The following NUTF2 variants were observed in gnomAD, a reference collection of about 807,000 sequenced individuals.
NUTF2 encodes the protein nuclear transport factor 2.
A neutral mutation model predicts 18.5 loss-of-function variants in NUTF2; 3 were observed. The ratio of observed to expected loss-of-function variants is 0.16; its 90% CI spans 0.07 to 0.42. The LOEUF (loss-of-function observed/expected upper bound fraction) is 0.42, where lower values mean the gene tolerates loss of function less well. NUTF2 is among the 10% of genes least tolerant of loss of function. The probability of loss-of-function intolerance (pLI) is 0.99; values close to 1 mark genes in which losing one functional copy is unlikely to be tolerated. For missense variants in NUTF2, 44 were observed against 160.7 expected (o/e 0.27, Z 3.93); for synonymous variants, 51 against 57.9 (o/e 0.88, Z 0.54).
At chr16:67,847,314 C>T (rs923627032) in intron 1 of NUTF2, 1 of 152,404 alleles carries the variant, frequency 6.6e-6, no homozygotes, top group East Asian at 1.9e-4. Context: ...GGCCCCGCCC[C>T]GTCTAGCCTG....
At chr16:67,854,787 G>T (rs1055595201) in intron 1 of NUTF2, among the ~76,000 whole-genome samples, 4 of 152,100 alleles carry the variant, frequency 2.6e-5, no homozygotes, top group Admixed American at 6.5e-5. Flanking sequence ...TCTCTACCAA[G>T]ATTCCAAAAA....
At chr16:67,852,610 A>G (rs1296197496) in intron 1 of NUTF2, among the ~76,000 whole-genome samples, 2 of 151,974 alleles carry the variant, frequency 1.3e-5, no homozygotes, top group African/African-American at 2.4e-5. Flanking sequence ...CGCCCACCTC[A>G]GCTTCCCAAA....
intron 2 of NUTF2, among the ~76,000 whole-genome samples, chr16:67,867,695 CTTTT>C (rs960447470): frequency 6.6e-6 from 1 of 151,344 alleles, no homozygotes; most frequent in East Asian, 1.9e-4. Context: ...TTTCTGATGA[CTTTT>C]TTTTTGAGAT....
rs1384473780 is a variant in NUTF2 at position 67,857,925 on chromosome 16, C to G, written c.-29-7177C>G. Among the ~76,000 whole-genome samples, 6 of 152,360 alleles carry G rather than the reference C, an allele frequency of 3.9e-5. No homozygotes were observed. In the East Asian group the frequency reaches 7.7e-4, roughly 20 times the overall value. On this transcript the variant is annotated intron_variant, in intron 1 of 4. Transcript: ENST00000219169. Reference sequence around the variant, plus strand: ...CCACTTGAGTGGAGTTTGCCCAGAACTTACTCCTCCTCCAGAGAAGAAGGG... The same window carrying G: ...CCACTTGAGTGGAGTTTGCCCAGAAGTTACTCCTCCTCCAGAGAAGAAGGG...
chr16:67,859,495 A>G (rs1245715661), intron 1 of NUTF2, among the ~76,000 whole-genome samples: 1 of 151,228 alleles, frequency 6.6e-6, no homozygotes, highest in East Asian at 2.0e-4. Flanking sequence ...GATTACAGGG[A>G]AAAATTAGCT....
At chr16:67,848,774 GCAGCAGCT>G (rs956066617) in intron 1 of NUTF2, among the ~76,000 whole-genome samples, 55 of 151,468 alleles carry the variant, frequency 3.6e-4, no homozygotes, top group Admixed American at 5.9e-4. Context: ...AAAAAAAGCA[GCAGCAGCT>G]CAATCTCTGC....
At chr16:67,853,328 A>T (rs762545676) in intron 1 of NUTF2, among the ~76,000 whole-genome samples, 2 of 152,024 alleles carry the variant, frequency 1.3e-5, no homozygotes, top group Non-Finnish European at 2.9e-5. Context: ...AGTAGCTGGG[A>T]CTACAGGTGC....
intron 2 of NUTF2, 111 bp downstream of exon 2, chr16:67,865,340 C>A: frequency 1.4e-6 from 1 of 704,186 alleles, no homozygotes; most frequent in East Asian, 2.7e-5. Flanking sequence ...GGCTACACCT[C>A]TGTATCTGAA....
rs572931294 is a variant in NUTF2 at position 67,864,509 on chromosome 16, CAAAAAA to C, written c.-29-574_-29-569del. Among the ~76,000 whole-genome samples, 82 of 53,078 alleles carry C rather than the reference CAAAAAA, an allele frequency of 1.5e-3. 1 individual carries two copies. Among genetic ancestry groups the C allele is most frequent in the African/African-American group, 3.9e-3 (75 of 19,214 alleles). The allele number at this position is 53,078 out of a possible 152,430, so 34.8% of individuals were successfully genotyped here. On this transcript the variant is annotated intron_variant, in intron 1 of 4. Coordinates refer to ENST00000219169, the MANE Select transcript of NUTF2 (RefSeq NM_005796.3). The stretch of plus-strand genomic sequence containing the variant: ...GGGCAACAAGAGTGAAACTCTGTCT[CAAAAAA>C]AAAAAAAAAAAAAAAAAAGAAGAGG...
chr16:67,863,114 G>A (rs2057945491), intron 1 of NUTF2, among the ~76,000 whole-genome samples: 1 of 152,198 alleles, frequency 6.6e-6, no homozygotes, highest in African/African-American at 2.4e-5. Context: ...CTAAGTTTGT[G>A]TGTGAGTACA....
intron 2 of NUTF2, among the ~76,000 whole-genome samples, chr16:67,865,747 T>A (rs1408951457): frequency 7.1e-6 from 1 of 141,700 alleles, no homozygotes; most frequent in Non-Finnish European, 1.5e-5. Context: ...TGAGATGGAG[T>A]CTTGCTCTTT....
At chr16:67,858,874 CTT>C (rs1207363589) in intron 1 of NUTF2, among the ~76,000 whole-genome samples, 26 of 140,158 alleles carry the variant, frequency 1.9e-4, no homozygotes, top group South Asian at 4.5e-4. Flanking sequence ...CTTCAGGACA[CTT>C]TTTTTTTTTT....
chr16:67,864,337 C>G (rs1403150063), intron 1 of NUTF2, among the ~76,000 whole-genome samples: 1 of 152,006 alleles, frequency 6.6e-6, no homozygotes, highest in Non-Finnish European at 1.5e-5. Context: ...ATGGTGAAAT[C>G]CCATTTCTAC....
chr16:67,863,922 G>C (rs2057951270), intron 1 of NUTF2, among the ~76,000 whole-genome samples: 1 of 152,174 alleles, frequency 6.6e-6, no homozygotes, highest in Non-Finnish European at 1.5e-5. Flanking sequence ...GTCTCTAGTT[G>C]GGAGGGGGCC....
At chr16:67,848,914 A>G (rs2057830633) in intron 1 of NUTF2, among the ~76,000 whole-genome samples, 2 of 152,078 alleles carry the variant, frequency 1.3e-5, no homozygotes, top group Non-Finnish European at 2.9e-5. Context: ...TTTCCCAGGT[A>G]ATGTTTTTCT....
At chr16:67,867,711 G>T (rs914089580) in intron 2 of NUTF2, among the ~76,000 whole-genome samples, 3 of 152,020 alleles carry the variant, frequency 2.0e-5, no homozygotes, top group African/African-American at 7.2e-5. Flanking sequence ...TTTTGAGATG[G>T]AGTCTTGCTC....
chr16:67,854,113 G>T (rs1413501188), intron 1 of NUTF2, among the ~76,000 whole-genome samples: 1 of 152,220 alleles, frequency 6.6e-6, no homozygotes, highest in Non-Finnish European at 1.5e-5. Context: ...ACCACGCCCA[G>T]CTAAATTTTG....
At chr16:67,866,925 T>C (rs1486803212) in intron 2 of NUTF2, among the ~76,000 whole-genome samples, 17 of 150,692 alleles carry the variant, frequency 1.1e-4, no homozygotes. Flanking sequence ...TTTGAAACCT[T>C]GAAGTGATCT....
intron 1 of NUTF2, among the ~76,000 whole-genome samples, chr16:67,860,014 G>A (rs1306084514): frequency 6.7e-6 from 1 of 149,434 alleles, no homozygotes; most frequent in South Asian, 2.1e-4. Flanking sequence ...GAGTCTGGCT[G>A]TGTTGCCCAG....
Sources: gnomAD v4.1 joint callset for allele counts (sites outside exome capture counted in the v4.1 genomes callset) on GRCh38, gnomAD v4.1.1 for gene constraint, MANE v1.5 for transcripts, NCBI Gene and HGNC (gene_info 2026-07-23, HGNC 2026-07-21) for gene names.